Variants in ARK2C observed in about 807,000 individuals in gnomAD.
ARK2C encodes E3 ubiquitin-protein ligase ARK2C.
the ARK2C span, among the ~76,000 whole-genome samples, chr18:46,454,672 G>A: frequency 7.2e-5 from 11 of 152,250 alleles, no homozygotes; most frequent in African/African-American, 1.7e-4. Flanking sequence ...CTTGCCCCAC[G>A]GTCATTCTCT....
the ARK2C span, among the ~76,000 whole-genome samples, chr18:46,344,558 C>T: frequency 6.6e-6 from 1 of 152,216 alleles, no homozygotes; most frequent in Non-Finnish European, 1.5e-5. Flanking sequence ...AGACACTGGC[C>T]TTCCTTAAGC....
the ARK2C span, among the ~76,000 whole-genome samples, chr18:46,379,142 C>A: frequency 6.6e-6 from 1 of 152,146 alleles, no homozygotes; most frequent in Admixed American, 6.5e-5. Context: ...GCCCCCAGGC[C>A]CCCCAACCCT....
the ARK2C span, among the ~76,000 whole-genome samples, chr18:46,340,343 A>G: frequency 6.6e-6 from 1 of 152,174 alleles, no homozygotes; most frequent in African/African-American, 2.4e-5. Flanking sequence ...ACCTCATGCA[A>G]TGCCTGTACT....
chr18:46,414,135 T>A, the ARK2C span, among the ~76,000 whole-genome samples: 1 of 152,184 alleles, frequency 6.6e-6, no homozygotes, highest in Non-Finnish European at 1.5e-5. Context: ...GTTATGCTCA[T>A]TTTGCAGGTC....
chr18:46,454,103 G>A, the ARK2C span, among the ~76,000 whole-genome samples: 2 of 111,888 alleles, frequency 1.8e-5, no homozygotes, highest in Non-Finnish European at 3.4e-5. Context: ...AGAGGGCAAG[G>A]CCGTCTCAAA....
chr18:46,446,884 C>T, the ARK2C span, among the ~76,000 whole-genome samples: 2 of 152,070 alleles, frequency 1.3e-5, no homozygotes, highest in East Asian at 3.9e-4. Flanking sequence ...TTCAGGACTG[C>T]TTCTGAGCCC....
chr18:46,352,393 T>G, the ARK2C span, among the ~76,000 whole-genome samples: 1 of 152,174 alleles, frequency 6.6e-6, no homozygotes, highest in Non-Finnish European at 1.5e-5. Context: ...AGCTCCCAAA[T>G]CTGATAACAC....
chr18:46,433,318 C>G, the ARK2C span: 1 of 1,612,196 alleles, frequency 6.2e-7, no homozygotes. Context: ...GCAGCCAGGC[C>G]TCAGCGCCCA....
chr18:46,383,757 T>C, the ARK2C span, among the ~76,000 whole-genome samples: 1 of 151,700 alleles, frequency 6.6e-6, no homozygotes, highest in Non-Finnish European at 1.5e-5. Flanking sequence ...GGTTTCACCG[T>C]GTTGGCCAGG....
the ARK2C span, among the ~76,000 whole-genome samples, chr18:46,455,170 A>T: frequency 2.0e-5 from 3 of 152,170 alleles, no homozygotes; most frequent in Non-Finnish European, 4.4e-5. Flanking sequence ...CAACAATATA[A>T]ATAGTTTATA....
chr18:46,334,715 T>TGTGA, the ARK2C span: 108 of 124,420 alleles, frequency 8.7e-4, no homozygotes, highest in Middle Eastern at 2.6e-3. The surrounding 1 kb of genome is among the most constrained non-coding windows in gnomAD (Gnocchi z 4.4). Flanking sequence ...TGTGTGTGTG[T>TGTGA]GAGAGAGAGA....
chr18:46,414,661 C>T, the ARK2C span, among the ~76,000 whole-genome samples: 1 of 152,218 alleles, frequency 6.6e-6, no homozygotes, highest in African/African-American at 2.4e-5. Context: ...ACACAATACA[C>T]ACATACACAG....
the ARK2C span, chr18:46,461,342 A>C: frequency 6.6e-6 from 1 of 152,382 alleles, no homozygotes; most frequent in Non-Finnish European, 1.5e-5. Context: ...CCTTCTGAGG[A>C]GAGAAGAAAG....
chr18:46,456,394 C>T, the ARK2C span: 1 of 730,196 alleles, frequency 1.4e-6, no homozygotes, highest in Non-Finnish European at 2.4e-6. Context: ...TTCATGGTTT[C>T]CCATCTCAGC....
the ARK2C span, chr18:46,458,943 T>TC: frequency 6.6e-6 from 1 of 152,210 alleles, no homozygotes; most frequent in Non-Finnish European, 1.5e-5. Flanking sequence ...GCTGGAGATC[T>TC]CACCAGTGGG....
the ARK2C span, among the ~76,000 whole-genome samples, chr18:46,358,679 G>A: frequency 6.6e-6 from 1 of 152,068 alleles, no homozygotes; most frequent in Non-Finnish European, 1.5e-5. Context: ...AGAGCCTCCG[G>A]CCCTTACTGA....
chr18:46,414,131 C>T, the ARK2C span, among the ~76,000 whole-genome samples: 1 of 152,156 alleles, frequency 6.6e-6, no homozygotes, highest in Admixed American at 6.5e-5. Flanking sequence ...TATCGTTATG[C>T]TCATTTTGCA....
the ARK2C span, among the ~76,000 whole-genome samples, chr18:46,449,331 A>G: frequency 6.6e-6 from 1 of 152,190 alleles, no homozygotes; most frequent in Non-Finnish European, 1.5e-5. Context: ...TATTTTGCTC[A>G]GCATGGAGGT....
chr18:46,390,197 G>T, the ARK2C span, among the ~76,000 whole-genome samples: 1 of 152,196 alleles, frequency 6.6e-6, no homozygotes, highest in Non-Finnish European at 1.5e-5. Flanking sequence ...GAACTGGGCC[G>T]ATTCCTGCTG....
Sources: gnomAD v4.1 joint callset for allele counts (sites outside exome capture counted in the v4.1 genomes callset) on GRCh38, gnomAD v4.1.1 for gene constraint, Gnocchi (gnomAD v3.1) non-coding constraint, MANE v1.5 for transcripts, NCBI Gene and HGNC (gene_info 2026-07-23, HGNC 2026-07-21) for gene names.